ACBD6: variants seen among roughly 807,000 people sequenced by gnomAD.
The protein encoded by ACBD6 is acyl-CoA-binding domain-containing protein 6.
Under a neutral mutation model 37.2 loss-of-function variants are expected in ACBD6, and 28 were observed. That is an observed-to-expected ratio of 0.75 (90% CI 0.56 to 1.03). ACBD6 has a LOEUF of 1.03. Among genes scored for constraint, ACBD6 ranks in the 50% least tolerant of loss-of-function variants. The pLI is 0.00. For missense variants in ACBD6, 340 were observed against 337.4 expected (o/e 1.01, Z -0.06); for synonymous variants, 113 against 126.8 (o/e 0.89, Z 0.73).
intron 4 of ACBD6, among the ~76,000 whole-genome samples, chr1:180,414,111 C>T (rs1208409714): frequency 6.6e-6 from 1 of 152,156 alleles, no homozygotes; most frequent in Admixed American, 6.5e-5. Flanking sequence ...CTTAACATGA[C>T]ATCTATGAGC....
chr1:180,384,417 C>T (rs1251372666), intron 6 of ACBD6, among the ~76,000 whole-genome samples: 1 of 152,032 alleles, frequency 6.6e-6, no homozygotes, highest in African/African-American at 2.4e-5. Flanking sequence ...CTTAACATCA[C>T]TAATCATCAG....
chr1:180,438,299 G>A (rs752405068), intron 3 of ACBD6: 1 of 152,842 alleles, frequency 6.5e-6, no homozygotes, highest in Non-Finnish European at 1.5e-5. Flanking sequence ...GGGGACTGCT[G>A]TGTTAGAGAA....
In ACBD6 at chr1:180,466,607, ATTTGT is replaced by A. The variant is rs758315226; in HGVS notation, c.384+25657_384+25661del. ...TGGGTGTATTTATATTTTTTAAATAATTTGTTTTATTATTAAAACAATTGGGATAA... is the reference window on the plus strand; with the variant it reads ...TGGGTGTATTTATATTTTTTAAATAATTTATTATTAAAACAATTGGGATAA... On this transcript the variant is annotated intron_variant, in intron 3 of 7. Coordinates refer to ENST00000367595, the MANE Select transcript of ACBD6 (RefSeq NM_032360.4). Among the ~76,000 whole-genome samples the A allele has an allele frequency of 2.6e-5, 4 of 152,202 alleles. No individual in the cohort carries two copies. The East Asian group carries it at 5.8e-4, about 22-fold the overall frequency.
At chr1:180,325,204 TCTC>T (rs1325938724) in intron 6 of ACBD6, among the ~76,000 whole-genome samples, 1 of 152,212 alleles carries the variant, frequency 6.6e-6, no homozygotes, top group Non-Finnish European at 1.5e-5. Flanking sequence ...TCTTTCTCGA[TCTC>T]CTCCTTAAGG....
At chr1:180,462,941 A>G (rs1485157668) in intron 3 of ACBD6, among the ~76,000 whole-genome samples, 1 of 152,198 alleles carries the variant, frequency 6.6e-6, no homozygotes, top group Non-Finnish European at 1.5e-5. Flanking sequence ...AAACCATACA[A>G]TTACATGGAA....
rs369104773 is a variant in ACBD6, at chr1:180,331,229, T to C, written c.664-16507A>G. Among the ~76,000 whole-genome samples, 11 of 152,316 alleles carry C rather than the reference T, an allele frequency of 7.2e-5. No individual in the cohort carries two copies. The East Asian group carries it at 1.5e-3, about 21-fold the overall frequency. ...CAAAGTACAGTGTCCCCATCAGGTA[T>C]TTATCATTCCTTTGCAGTTCTTCCC... On this transcript the variant is annotated intron_variant, in intron 6 of 7. Transcript: ENST00000367595.
chr1:180,393,898 T>C (rs1482600348), intron 6 of ACBD6, among the ~76,000 whole-genome samples: 1 of 152,184 alleles, frequency 6.6e-6, no homozygotes, highest in Non-Finnish European at 1.5e-5. Flanking sequence ...TACACGGAAC[T>C]TTTACTTTGC....
intron 6 of ACBD6, among the ~76,000 whole-genome samples, chr1:180,370,327 G>C (rs1048774322): frequency 1.3e-5 from 2 of 152,176 alleles, no homozygotes. Context: ...AAAGAACTGT[G>C]TGTTTGTGTG....
At chr1:180,463,361 AAAT>A (rs1254138784) in intron 3 of ACBD6, among the ~76,000 whole-genome samples, 2 of 152,088 alleles carry the variant, frequency 1.3e-5, no homozygotes, top group Admixed American at 1.3e-4. Context: ...ACACAATCAG[AAAT>A]AATGAGATAT....
intron 6 of ACBD6, among the ~76,000 whole-genome samples, chr1:180,348,794 A>G (rs998694659): frequency 6.6e-6 from 1 of 152,186 alleles, no homozygotes; most frequent in Admixed American, 6.5e-5. Context: ...CTTGTCTGCT[A>G]TATTCCATAG....
chr1:180,426,403 C>T (rs2101991534), intron 4 of ACBD6, among the ~76,000 whole-genome samples: 1 of 152,284 alleles, frequency 6.6e-6, no homozygotes, highest in African/African-American at 2.4e-5. Flanking sequence ...GAAGCAATTT[C>T]TTGTATATGT....
chr1:180,389,603 T>C (rs1284073207), intron 6 of ACBD6, among the ~76,000 whole-genome samples: 1 of 152,230 alleles, frequency 6.6e-6, no homozygotes, highest in African/African-American at 2.4e-5. Context: ...GTTGAACTAG[T>C]TTAAAGTCCC....
intron 2 of ACBD6, among the ~76,000 whole-genome samples, chr1:180,494,992 C>G (rs556018282): frequency 1.3e-5 from 2 of 152,228 alleles, no homozygotes; most frequent in Admixed American, 1.3e-4. Context: ...CAGTTATTTA[C>G]TGTGGCATGG....
intron 6 of ACBD6, among the ~76,000 whole-genome samples, chr1:180,385,281 G>A (rs552176749): frequency 1.3e-4 from 19 of 151,398 alleles, no homozygotes; most frequent in Middle Eastern, 3.4e-3. Flanking sequence ...AAACAGAGCA[G>A]ATGGGACAAA....
At chr1:180,424,620 T>C (rs867419184) in intron 4 of ACBD6, among the ~76,000 whole-genome samples, 34 of 152,272 alleles carry the variant, frequency 2.2e-4, no homozygotes, top group South Asian at 1.5e-3. Context: ...TCTTTATATA[T>C]GCACACATAC....
intron 3 of ACBD6, among the ~76,000 whole-genome samples, chr1:180,462,099 G>C (rs1327512007): frequency 6.6e-6 from 1 of 152,080 alleles, no homozygotes; most frequent in African/African-American, 2.4e-5. Flanking sequence ...AGCTGGGCGT[G>C]GTGGCACAGA....
chr1:180,341,320 A>T (rs572784077), intron 6 of ACBD6, among the ~76,000 whole-genome samples: 1 of 152,168 alleles, frequency 6.6e-6, no homozygotes, highest in Non-Finnish European at 1.5e-5. Context: ...AAGAATATGG[A>T]TAAGAGAAAA....
chr1:180,452,225 A>T (rs752403158), intron 3 of ACBD6, among the ~76,000 whole-genome samples: 1 of 152,136 alleles, frequency 6.6e-6, no homozygotes, highest in Non-Finnish European at 1.5e-5. Flanking sequence ...TAATCCCAGC[A>T]CTTTGGGAGG....
chr1:180,327,337 G>A (rs1651293079), intron 6 of ACBD6, among the ~76,000 whole-genome samples: 1 of 152,146 alleles, frequency 6.6e-6, no homozygotes, highest in African/African-American at 2.4e-5. Context: ...CAGTTGCTGT[G>A]TTCTCCCTCT....
Sources: allele counts gnomAD v4.1 joint callset (sites outside exome capture counted in the v4.1 genomes callset), GRCh38; gene constraint gnomAD v4.1.1; transcripts MANE v1.5; gene names NCBI Gene and HGNC (gene_info 2026-07-23, HGNC 2026-07-21).